The following AOPEP variants were observed in gnomAD, a reference collection of about 807,000 sequenced individuals.
AOPEP encodes aminopeptidase O.
A neutral mutation model predicts 98.1 loss-of-function variants in AOPEP; 77 were observed. The ratio of observed to expected loss-of-function variants is 0.78; its 90% CI spans 0.65 to 0.95. The LOEUF (loss-of-function observed/expected upper bound fraction) is 0.95. Among genes scored for constraint, AOPEP ranks in the 40% least tolerant of loss-of-function variants. The pLI is 0.00. For synonymous variants in AOPEP, 346 were observed against 365.3 expected (o/e 0.95, Z 0.60); for missense variants, 1,024 against 1,024.7 (o/e 1.00, Z 0.01).
intron 5 of AOPEP, among the ~76,000 whole-genome samples, chr9:94,827,863 T>G (rs1854991892): frequency 6.6e-6 from 1 of 150,642 alleles, no homozygotes; most frequent in Non-Finnish European, 1.5e-5. Context: ...TAGTGTAGAC[T>G]CTGGTGCCCA....
intron 14 of AOPEP, among the ~76,000 whole-genome samples, chr9:95,077,609 G>C (rs905856528): frequency 6.6e-6 from 1 of 152,218 alleles, no homozygotes; most frequent in Admixed American, 6.5e-5. Flanking sequence ...GTGGCATGCT[G>C]TGGAACTCTG....
intron 1 of AOPEP, among the ~76,000 whole-genome samples, chr9:94,754,830 G>A (rs1482162976): frequency 6.6e-6 from 1 of 152,166 alleles, no homozygotes; most frequent in African/African-American, 2.4e-5. Flanking sequence ...AAAGGAGAAT[G>A]AAATTGTTTT....
intron 5 of AOPEP, among the ~76,000 whole-genome samples, chr9:94,861,225 G>A (rs2135423673): frequency 6.6e-6 from 1 of 152,236 alleles, no homozygotes; most frequent in South Asian, 2.1e-4. Flanking sequence ...GGAAGGATGT[G>A]GTTTGAGGGC....
intron 5 of AOPEP, among the ~76,000 whole-genome samples, chr9:94,872,072 A>G (rs1007888963): frequency 6.6e-6 from 1 of 152,142 alleles, no homozygotes; most frequent in Non-Finnish European, 1.5e-5. Context: ...CACCTATAGG[A>G]AACATATGGT....
intron 3 of AOPEP, among the ~76,000 whole-genome samples, chr9:94,774,396 T>A (rs1841621337): frequency 6.6e-6 from 1 of 151,268 alleles, no homozygotes; most frequent in South Asian, 2.1e-4. Flanking sequence ...TAAAAATAAA[T>A]TAAAAAAATT....
In AOPEP at chr9:95,005,179, G is replaced by T; in HGVS notation, c.1999G>T (p.Ala667Ser). The change falls in exon 12 of 17, where the codon GCC becomes TCC. Residue 667 changes from alanine (A) to serine (S), a missense_variant. Transcript: ENST00000375315. Reference sequence around the variant, plus strand: ...GCAGCCGCTGCAGAGGGAGCGTCGCGCCGGGGCGGAGTGCGGGCTTGCGCG... The same window carrying T: ...GCAGCCGCTGCAGAGGGAGCGTCGCTCCGGGGCGGAGTGCGGGCTTGCGCG... ...IPKPLQRERR[A>S]GAECGLARQV... is the part of the protein sequence containing the mutation. 1 of 1,151,630 alleles carries T rather than the reference G, an allele frequency of 8.7e-7. No individual in the cohort carries two copies. The highest frequency in any genetic ancestry group is 1.1e-6 in the Non-Finnish European group (1 of 932,724). The allele number at this position is 1,151,630 out of a possible 1,614,324, so 71.3% of individuals were successfully genotyped here. A position where few individuals can be genotyped will look rare whatever the true frequency, so the allele number is the denominator to read the frequency against.
rs1320374546 is a variant in AOPEP at position 94,979,518 on chromosome 9, ATG to A, written c.1977+95_1977+96del. On this transcript the variant is annotated intron_variant, in intron 11 of 16. Transcript: ENST00000375315. Reference sequence around the variant, plus strand: ...AATCATGACAGTGATTTCTTAATATATGTGTAGGAAAGTAATTATCTTACTGA... The same window carrying A: ...AATCATGACAGTGATTTCTTAATATATGTAGGAAAGTAATTATCTTACTGA... The A allele has an allele frequency of 6.4e-6, 5 of 783,922 alleles. No homozygotes were observed. The Admixed American group carries it at 1.0e-4, about 16-fold the overall frequency. 48.6% of individuals were successfully genotyped at this position (783,922 alleles called of 1,614,324 possible). A position where few individuals can be genotyped will look rare whatever the true frequency, so the allele number is the denominator to read the frequency against.
chr9:94,801,491 G>T (rs1295935855), intron 5 of AOPEP, among the ~76,000 whole-genome samples: 1 of 152,238 alleles, frequency 6.6e-6, no homozygotes, highest in Non-Finnish European at 1.5e-5. Flanking sequence ...GAGTCAGATA[G>T]ACTGTGGATG....
At chr9:94,934,236 A>G (rs909494462) in intron 7 of AOPEP, among the ~76,000 whole-genome samples, 2 of 150,122 alleles carry the variant, frequency 1.3e-5, no homozygotes, top group East Asian at 3.9e-4. Flanking sequence ...GTCGTCACCC[A>G]CGGTCCTCTG....
chr9:94,918,909 T>A (rs181935528), intron 5 of AOPEP, among the ~76,000 whole-genome samples: 23 of 151,234 alleles, frequency 1.5e-4, no homozygotes, highest in Middle Eastern at 3.4e-3. Flanking sequence ...TTTTTTTTTT[T>A]AATTTTAATT....
chr9:95,124,378 G>A, the AOPEP span, among the ~76,000 whole-genome samples: 2 of 152,132 alleles, frequency 1.3e-5, no homozygotes, highest in Non-Finnish European at 2.9e-5. Flanking sequence ...GTGAAAGCTC[G>A]CTGGTAGCAA....
At chr9:94,851,026 A>G (rs1404979765) in intron 5 of AOPEP, among the ~76,000 whole-genome samples, 53 of 152,186 alleles carry the variant, frequency 3.5e-4, no homozygotes, top group Non-Finnish European at 4.4e-5. Flanking sequence ...CAGCCTGGGG[A>G]TGACACCAAT....
At chr9:94,793,587 G>C (rs1329049644) in intron 4 of AOPEP, among the ~76,000 whole-genome samples, 1 of 151,668 alleles carries the variant, frequency 6.6e-6, no homozygotes, top group African/African-American at 2.4e-5. Context: ...TGAGGCAGGA[G>C]AATTGCTTGA....
chr9:94,728,239 GCACACA>G (rs78505500), intron 1 of AOPEP, among the ~76,000 whole-genome samples: 17 of 146,602 alleles, frequency 1.2e-4, no homozygotes, highest in South Asian at 4.4e-4. Context: ...GTGCGCGCAT[GCACACA>G]CACACACACA....
intron 13 of AOPEP, among the ~76,000 whole-genome samples, chr9:95,012,922 T>A (rs977651397): frequency 1.2e-4 from 18 of 147,126 alleles, no homozygotes; most frequent in African/African-American, 4.4e-4. Flanking sequence ...TTTATTTTGT[T>A]TTTTTTTTTT....
chr9:94,942,751 G>A (rs76573643), intron 7 of AOPEP, among the ~76,000 whole-genome samples: 1,635 of 152,146 alleles, frequency 0.011, 32 homozygotes, highest in African/African-American at 0.038. Flanking sequence ...ACATACAAAA[G>A]TTAGCTGTAT....
intron 1 of AOPEP, among the ~76,000 whole-genome samples, chr9:94,754,953 C>T (rs1237367852): frequency 6.6e-6 from 1 of 152,170 alleles, no homozygotes; most frequent in African/African-American, 2.4e-5. Flanking sequence ...TGTGCCATAG[C>T]TCTGTTTAGT....
At chr9:95,064,566 G>A (rs1032827977) in intron 14 of AOPEP, among the ~76,000 whole-genome samples, 1 of 152,360 alleles carries the variant, frequency 6.6e-6, no homozygotes. Flanking sequence ...TGGGATTACA[G>A]GCGTGAGCCA....
At position 94,805,766 on chromosome 9, in the gene AOPEP, T is replaced by C. The variant is rs34330897; in HGVS notation, c.1364+4764T>C. On this transcript the variant is annotated intron_variant, in intron 5 of 16. Transcript: ENST00000375315. ...CGGTATGCACGTACATGCCCAAGAA[T>C]GAATGTAACCAGCCTTTTCCTCCAC... Among the ~76,000 whole-genome samples, 798 of 152,338 alleles carry C rather than the reference T, an allele frequency of 5.2e-3. 11 individuals carry two copies. Among genetic ancestry groups the C allele is most frequent in the South Asian group, 0.043 (209 of 4,824 alleles).
Sources: allele counts gnomAD v4.1 joint callset (sites outside exome capture counted in the v4.1 genomes callset), GRCh38; gene constraint gnomAD v4.1.1; transcripts MANE v1.5; gene names NCBI Gene and HGNC (gene_info 2026-07-23, HGNC 2026-07-21).